The following KAZN variants were observed in gnomAD, a reference collection of about 807,000 sequenced individuals.
The protein encoded by KAZN is kazrin.
KAZN carries 40 observed loss-of-function variants against 87.4 expected under a neutral mutation model. The observed-to-expected ratio is 0.46, with a 90% CI of 0.36 to 0.60. KAZN has a LOEUF of 0.60. Among genes scored for constraint, KAZN ranks in the 20% least tolerant of loss-of-function variants. The probability of loss-of-function intolerance (pLI) is 0.00; values close to 1 mark genes in which losing one functional copy is unlikely to be tolerated. For missense variants in KAZN, 898 were observed against 1,073.9 expected (o/e 0.84, Z 2.29); for synonymous variants, 466 against 458.3 (o/e 1.02, Z -0.22).
At position 14,598,927 on chromosome 1, in the gene KAZN, C is replaced by G. The variant is rs1412388472; in HGVS notation, c.-71C>G. The G allele has an allele frequency of 3.9e-6, 6 of 1,553,420 alleles. No individual in the cohort carries two copies. Among genetic ancestry groups the G allele is most frequent in the African/African-American group, 1.4e-5 (1 of 70,290 alleles). On this transcript the variant is annotated 5_prime_UTR_variant, in exon 1 of 15. Coordinates refer to ENST00000376030, the MANE Select transcript of KAZN (RefSeq NM_201628.3). The surrounding 1 kb of genome is among the most constrained non-coding windows in gnomAD (Gnocchi z 4.2). ...ACACAACAGGTAGAGCCGGGGGTGC[C>G]CGGCCGCGCGCCCCCCGCGCATCAT...
intron 1 of KAZN, among the ~76,000 whole-genome samples, chr1:14,681,827 G>T (rs1640679525): frequency 6.7e-6 from 1 of 148,826 alleles, no homozygotes; most frequent in Admixed American, 6.7e-5. Flanking sequence ...GAGTAGCTGG[G>T]ACTACAGGCG....
chr1:14,805,111 C>T (rs189326474), intron 1 of KAZN, among the ~76,000 whole-genome samples: 5 of 152,076 alleles, frequency 3.3e-5, no homozygotes, highest in Non-Finnish European at 5.9e-5. Context: ...GCGTACTAGT[C>T]GGGGTATAGG....
chr1:15,020,526 G>A (rs540925615), intron 2 of KAZN, among the ~76,000 whole-genome samples: 1 of 152,276 alleles, frequency 6.6e-6, no homozygotes, highest in South Asian at 2.1e-4. Context: ...ACTGTTTACA[G>A]TATATACTCA....
At chr1:15,014,905 C>A (rs1160610388) in intron 2 of KAZN, among the ~76,000 whole-genome samples, 1 of 152,128 alleles carries the variant, frequency 6.6e-6, no homozygotes, top group Non-Finnish European at 1.5e-5. Flanking sequence ...AGAAATAAGC[C>A]TCTGGAGGCT....
Position 14,739,213 on chromosome 1 carries a change from G to A in KAZN, c.226+139990G>A, listed in dbSNP as rs575457249. Among the ~76,000 whole-genome samples the A allele has an allele frequency of 1.6e-4, 24 of 152,196 alleles. No homozygotes were observed. The South Asian group carries it at 2.7e-3, about 17-fold the overall frequency. Reference sequence around the variant, plus strand: ...AAACAAAACACTAAGCCCATCTAGCGTTAAAAGCCATGTTCTTTTTAATCG... The same window carrying A: ...AAACAAAACACTAAGCCCATCTAGCATTAAAAGCCATGTTCTTTTTAATCG... On this transcript the variant is annotated intron_variant, in intron 1 of 14. Coordinates refer to ENST00000376030, the MANE Select transcript of KAZN (RefSeq NM_201628.3).
intron 2 of KAZN, among the ~76,000 whole-genome samples, chr1:14,518,167 C>CT (rs1423313088): frequency 8.4e-6 from 1 of 119,144 alleles, no homozygotes; most frequent in Admixed American, 9.0e-5. Context: ...TAACTGGAGT[C>CT]TTTTTGAAGG....
intron 2 of KAZN, among the ~76,000 whole-genome samples, chr1:14,578,805 C>T (rs769007206): frequency 3.2e-4 from 49 of 152,110 alleles, no homozygotes; most frequent in Non-Finnish European, 1.0e-4. Context: ...CTTCTGGTTA[C>T]AGCCCTTATT....
intron 1 of KAZN, among the ~76,000 whole-genome samples, chr1:14,843,075 G>A (rs1648214322): frequency 6.6e-6 from 1 of 152,138 alleles, no homozygotes; most frequent in Non-Finnish European, 1.5e-5. Flanking sequence ...CAATACAGTT[G>A]CATCACATTT....
intron 1 of KAZN, among the ~76,000 whole-genome samples, chr1:13,923,465 G>T (rs34338528): frequency 6.6e-6 from 1 of 151,050 alleles, no homozygotes; most frequent in East Asian, 2.0e-4. Flanking sequence ...CCCAGCTACT[G>T]GGGAGGCTGA....
Position 14,190,673 on chromosome 1 carries a change from C to A in KAZN, c.249+10081C>A, listed in dbSNP as rs187623587. ...TGCTCTTTCTTGAAATTCTGTCTAC[C>A]ATGAGAACAAGCCTGAGCTAGCTGT... On this transcript the variant is annotated intron_variant, in intron 2 of 16. Transcript: ENST00000636203. Among the ~76,000 whole-genome samples, 33 of 152,194 alleles carry A rather than the reference C, an allele frequency of 2.2e-4. No individual in the cohort carries two copies. The East Asian group carries it at 5.8e-3, about 27-fold the overall frequency.
intron 1 of KAZN, among the ~76,000 whole-genome samples, chr1:14,046,482 T>C (rs986948275): frequency 6.6e-6 from 1 of 152,220 alleles, no homozygotes; most frequent in Admixed American, 6.5e-5. Flanking sequence ...AGGGTGTATG[T>C]GTACTGTCCA....
At chr1:13,936,097 T>TTTTTTTTTTC (rs1640728855) in intron 1 of KAZN, among the ~76,000 whole-genome samples, 1 of 29,182 alleles carries the variant, frequency 3.4e-5, no homozygotes, top group Admixed American at 4.9e-4. Flanking sequence ...ACAAGTGCAG[T>TTTTTTTTTTC]TTTTTTTTTT....
intron 1 of KAZN, among the ~76,000 whole-genome samples, chr1:14,920,817 G>C (rs1345681626): frequency 6.6e-6 from 1 of 152,066 alleles, no homozygotes; most frequent in Non-Finnish European, 1.5e-5. Context: ...CATTTGTGTG[G>C]GACCTGCCCA....
chr1:14,447,420 T>C (rs1430297783), intron 2 of KAZN, among the ~76,000 whole-genome samples: 3 of 151,898 alleles, frequency 2.0e-5, no homozygotes, highest in East Asian at 1.9e-4. Flanking sequence ...TTTGTATTTT[T>C]AGTAGAGACG....
intron 1 of KAZN, among the ~76,000 whole-genome samples, chr1:14,118,515 T>C (rs866732461): frequency 6.6e-6 from 1 of 152,232 alleles, no homozygotes; most frequent in Non-Finnish European, 1.5e-5. Flanking sequence ...TAAAATTTAC[T>C]GTACATTCCT....
At chr1:14,384,531 GT>G (rs1661688852) in intron 2 of KAZN, among the ~76,000 whole-genome samples, 1 of 152,132 alleles carries the variant, frequency 6.6e-6, no homozygotes, top group Non-Finnish European at 1.5e-5. Context: ...ATGAAAGGTT[GT>G]TGAATTTTGT....
At chr1:14,409,882 T>G (rs962100080) in intron 2 of KAZN, among the ~76,000 whole-genome samples, 2 of 152,120 alleles carry the variant, frequency 1.3e-5, no homozygotes, top group Non-Finnish European at 2.9e-5. Context: ...ACAGATACTC[T>G]AAGGAGGAAA....
At chr1:14,412,118 G>A (rs147143747) in intron 2 of KAZN, among the ~76,000 whole-genome samples, 7 of 152,080 alleles carry the variant, frequency 4.6e-5, no homozygotes, top group African/African-American at 1.4e-4. Context: ...GGAAAGAGGA[G>A]GAAAGTGTAC....
At chr1:14,584,102 C>T (rs1353045067) in intron 2 of KAZN, among the ~76,000 whole-genome samples, 1 of 152,204 alleles carries the variant, frequency 6.6e-6, no homozygotes, top group Non-Finnish European at 1.5e-5. Flanking sequence ...TGCTAAATCA[C>T]TCCCCCAGCC....
Sources: gnomAD v4.1 joint callset for allele counts (sites outside exome capture counted in the v4.1 genomes callset) on GRCh38, gnomAD v4.1.1 for gene constraint, Gnocchi (gnomAD v3.1) non-coding constraint, MANE v1.5 for transcripts, NCBI Gene and HGNC (gene_info 2026-07-23, HGNC 2026-07-21) for gene names.